Variants in CRIM1 observed in about 807,000 individuals in gnomAD.
CRIM1 encodes the protein cysteine rich transmembrane BMP regulator 1, also known as cysteine-rich motor neuron 1 protein.
In CRIM1, 32 loss-of-function variants were observed where a neutral mutation model predicts 116.4. The ratio of observed to expected loss-of-function variants is 0.27; its 90% CI spans 0.21 to 0.37. CRIM1 has a LOEUF of 0.37. CRIM1 is among the 10% of genes least tolerant of loss of function. The pLI, the probability that CRIM1 is intolerant of heterozygous loss-of-function variation, is 1.00. For missense variants in CRIM1, 1,331 were observed against 1,354.8 expected (o/e 0.98, Z 0.28); for synonymous variants, 590 against 509.2 (o/e 1.16, Z -2.13).
intron 2 of CRIM1, among the ~76,000 whole-genome samples, chr2:36,438,223 A>C (rs1256692146): frequency 1.3e-5 from 2 of 152,232 alleles, no homozygotes; most frequent in Non-Finnish European, 2.9e-5. Context: ...ATATGTTTCA[A>C]AATTCTGATT....
chr2:36,430,745 C>A (rs911072049), intron 2 of CRIM1, among the ~76,000 whole-genome samples: 1 of 152,222 alleles, frequency 6.6e-6, no homozygotes, highest in African/African-American at 2.4e-5. Flanking sequence ...ATGCCCACCT[C>A]TGGGAGGGGT....
At chr2:36,546,921 A>T in intron 15 of CRIM1, 63 bp from the exon 16 acceptor site, 1 of 981,492 alleles carries the variant, frequency 1.0e-6, no homozygotes, top group Non-Finnish European at 1.5e-6. Context: ...TTGCAATGTC[A>T]TTAAAATAAT....
intron 12 of CRIM1, 89 bp downstream of exon 12, chr2:36,517,631 G>A (rs570253485): frequency 5.1e-4 from 673 of 1,323,432 alleles, no homozygotes; most frequent in Admixed American, 7.3e-4. Flanking sequence ...GGCAGGATCA[G>A]CCCCATATGG....
intron 4 of CRIM1, among the ~76,000 whole-genome samples, chr2:36,460,197 A>T (rs550029076): frequency 6.6e-6 from 1 of 152,068 alleles, no homozygotes; most frequent in East Asian, 1.9e-4. Flanking sequence ...ATTGATCATT[A>T]TATTAACTCT....
intron 4 of CRIM1, among the ~76,000 whole-genome samples, chr2:36,448,096 G>T (rs1676390829): frequency 6.6e-6 from 1 of 152,182 alleles, no homozygotes; most frequent in Admixed American, 6.5e-5. Context: ...GAAGAGTGCT[G>T]TGACCACCTA....
chr2:36,443,968 A>G (rs1676055940), intron 4 of CRIM1, among the ~76,000 whole-genome samples: 1 of 152,240 alleles, frequency 6.6e-6, no homozygotes, highest in Non-Finnish European at 1.5e-5. Context: ...ATGATAATTT[A>G]TGTGCAGATG....
chr2:36,371,299 C>T (rs779406948), intron 1 of CRIM1, among the ~76,000 whole-genome samples: 1 of 152,098 alleles, frequency 6.6e-6, no homozygotes, highest in Non-Finnish European at 1.5e-5. Context: ...TTTCTCCTTC[C>T]CCTGTTATAG....
At chr2:36,409,009 A>AG (rs1553376600) in intron 2 of CRIM1, among the ~76,000 whole-genome samples, 4,940 of 75,172 alleles carry the variant, frequency 0.066, 98 homozygotes, top group East Asian at 0.26. Context: ...AGATCCTCAG[A>AG]GGGGAAAAAA....
intron 14 of CRIM1, among the ~76,000 whole-genome samples, chr2:36,543,901 G>T (rs1425939580): frequency 1.3e-5 from 2 of 152,128 alleles, no homozygotes; most frequent in African/African-American, 4.8e-5. Context: ...CCATTTAGGG[G>T]AAGAGAAAGG....
rs558904276 is a variant in CRIM1, at chr2:36,508,703, CT to C, written c.1502-1273del. ...TGCTTGCTTTATATAATTAAGCATG[CT>C]TTTTTTCTTTTTAACCTTAAACATT... On this transcript the variant is annotated intron_variant, in intron 8 of 16. Coordinates refer to ENST00000280527, the MANE Select transcript of CRIM1 (RefSeq NM_016441.3). 7.9e-5 allele frequency among the ~76,000 whole-genome samples: 12 copies of C among 152,218 alleles called. No individual in the cohort carries two copies. The East Asian group carries it at 1.9e-3, about 24-fold the overall frequency.
intron 7 of CRIM1, among the ~76,000 whole-genome samples, chr2:36,494,668 G>GA (rs921710007): frequency 1.4e-4 from 21 of 152,236 alleles, no homozygotes; most frequent in African/African-American, 5.1e-4. Flanking sequence ...ATGCTGAGTA[G>GA]AAAACAGCAA....
chr2:36,382,845 T>A (rs1670887753), intron 1 of CRIM1, among the ~76,000 whole-genome samples: 1 of 152,246 alleles, frequency 6.6e-6, no homozygotes, highest in Admixed American at 6.5e-5. Flanking sequence ...CATCTCTGTA[T>A]ATTCTAATCC....
chr2:36,484,461 C>T (rs1291002813), intron 7 of CRIM1, among the ~76,000 whole-genome samples: 3 of 151,894 alleles, frequency 2.0e-5, no homozygotes, highest in Non-Finnish European at 4.4e-5. Context: ...GATAAGGTAT[C>T]GGGGAGGGAA....
At chr2:36,503,624 T>C (rs1681167591) in intron 8 of CRIM1, among the ~76,000 whole-genome samples, 1 of 152,114 alleles carries the variant, frequency 6.6e-6, no homozygotes, top group African/African-American at 2.4e-5. Flanking sequence ...CTTTTACTTT[T>C]TCATTTCATT....
At chr2:36,391,118 A>ATTTTTTT (rs57108558) in intron 1 of CRIM1, among the ~76,000 whole-genome samples, 9 of 67,234 alleles carry the variant, frequency 1.3e-4, no homozygotes, top group East Asian at 5.7e-4. Flanking sequence ...CCAACTTTTG[A>ATTTTTTT]TTTTTTTTTT....
At chr2:36,382,223 G>C (rs151010470) in intron 1 of CRIM1, among the ~76,000 whole-genome samples, 2 of 152,224 alleles carry the variant, frequency 1.3e-5, no homozygotes, top group Admixed American at 6.5e-5. Context: ...CAAACTGCGC[G>C]TGTTGGCAAG....
chr2:36,357,178 T>C lies in CRIM1; in HGVS notation c.331+555T>C, dbSNP rs114359899. Among the ~76,000 whole-genome samples, 1,108 of 152,282 alleles carry C rather than the reference T, an allele frequency of 7.3e-3. 10 individuals carry two copies. Among genetic ancestry groups the C allele is most frequent in the Non-Finnish European group, 0.012 (846 of 68,022 alleles). On this transcript the variant is annotated intron_variant, in intron 1 of 16. Transcript: ENST00000280527. The stretch of plus-strand genomic sequence containing the variant: ...TCACCCCTTCCTCCTCCTCCGCAGA[T>C]AAATCAGTTTCAGCCGCGGAATATG...
At chr2:36,437,771 C>T (rs1282258620) in intron 2 of CRIM1, among the ~76,000 whole-genome samples, 2 of 152,176 alleles carry the variant, frequency 1.3e-5, no homozygotes, top group African/African-American at 4.8e-5. Context: ...AAATCCATCT[C>T]TTCAGGCTCG....
chr2:36,513,365 T>C (rs1664815106), intron 10 of CRIM1, 191 bp from the exon 11 acceptor site: 2 of 562,940 alleles, frequency 3.6e-6, no homozygotes, highest in Admixed American at 3.1e-5. Flanking sequence ...CCGGTTTTTT[T>C]CTCTCTTTTC....
Sources: gnomAD v4.1 joint callset for allele counts (sites outside exome capture counted in the v4.1 genomes callset) on GRCh38, gnomAD v4.1.1 for gene constraint, MANE v1.5 for transcripts, NCBI Gene and HGNC (gene_info 2026-07-23, HGNC 2026-07-21) for gene names.